PDSS2: variants seen among roughly 807,000 people sequenced by gnomAD.
PDSS2 encodes the protein decaprenyl diphosphate synthase subunit 2.
A neutral mutation model predicts 44.5 loss-of-function variants in PDSS2; 31 were observed. The ratio of observed to expected loss-of-function variants is 0.70; its 90% CI spans 0.52 to 0.94. The LOEUF is 0.94. PDSS2 is among the 40% of genes least tolerant of loss of function. PDSS2 has a pLI of 0.00. For missense variants in PDSS2, 452 were observed against 482.2 expected (o/e 0.94, Z 0.59); for synonymous variants, 157 against 180.3 (o/e 0.87, Z 1.03).
intron 1 of PDSS2, among the ~76,000 whole-genome samples, chr6:107,352,394 A>G (rs1441550487): frequency 1.3e-5 from 2 of 152,250 alleles, no homozygotes; most frequent in Non-Finnish European, 2.9e-5. Context: ...TACTAAACTC[A>G]GTAGAAGATT....
At chr6:107,340,691 C>A (rs1343445993) in intron 1 of PDSS2, among the ~76,000 whole-genome samples, 1 of 152,144 alleles carries the variant, frequency 6.6e-6, no homozygotes, top group African/African-American at 2.4e-5. Context: ...ACAGTAGAGG[C>A]AGCATTCAGA....
At chr6:107,315,909 G>T (rs1777183906) in intron 2 of PDSS2, among the ~76,000 whole-genome samples, 1 of 152,164 alleles carries the variant, frequency 6.6e-6, no homozygotes. Context: ...ATTTACCTCA[G>T]ATTATCACAA....
chr6:107,219,049 ACT>A (rs1248802386), intron 4 of PDSS2, among the ~76,000 whole-genome samples: 5 of 150,278 alleles, frequency 3.3e-5, no homozygotes, highest in African/African-American at 4.9e-5. Context: ...CAAGAGTGAA[ACT>A]CTGTCTCAAA....
At chr6:107,455,783 A>G (rs1054565734) in intron 1 of PDSS2, among the ~76,000 whole-genome samples, 6 of 134,562 alleles carry the variant, frequency 4.5e-5, no homozygotes, top group African/African-American at 1.1e-4. Flanking sequence ...AAAAAAAAAA[A>G]CTTAAGAAAT....
chr6:107,368,261 C>T (rs1779022127), intron 1 of PDSS2, among the ~76,000 whole-genome samples: 1 of 139,636 alleles, frequency 7.2e-6, no homozygotes, highest in East Asian at 2.1e-4. Flanking sequence ...GAGCGAGACT[C>T]GTCTCAAAAA....
chr6:107,252,641 A>C (rs1774861129), intron 3 of PDSS2, among the ~76,000 whole-genome samples: 1 of 152,230 alleles, frequency 6.6e-6, no homozygotes, highest in Non-Finnish European at 1.5e-5. Flanking sequence ...ATAAAATTGC[A>C]ACTGAGGCTA....
intron 1 of PDSS2, among the ~76,000 whole-genome samples, chr6:107,374,373 C>T (rs1779219611): frequency 6.6e-6 from 1 of 152,038 alleles, no homozygotes; most frequent in African/African-American, 2.4e-5. Flanking sequence ...TCATCCAAAC[C>T]GATCAACTGA....
At chr6:107,431,490 C>A (rs987365870) in intron 1 of PDSS2, among the ~76,000 whole-genome samples, 6 of 152,148 alleles carry the variant, frequency 3.9e-5, no homozygotes, top group African/African-American at 1.4e-4. Context: ...CTCATGCGAA[C>A]CTGCTGCTTT....
At position 107,289,328 on chromosome 6, in the gene PDSS2, G is replaced by A. The variant is rs540739527; in HGVS notation, c.432-15101C>T. Among the ~76,000 whole-genome samples the A allele has an allele frequency of 4.4e-3, 661 of 149,414 alleles. 6 individuals are homozygous for A. The highest frequency in any genetic ancestry group is 0.016 in the African/African-American group (635 of 40,722). On this transcript the variant is annotated intron_variant, in intron 2 of 7. Transcript: ENST00000369037. ...GCAGAGGTTGTAGTGAGCCGATATC[G>A]TGCCACTGCACTCCAGCCTGGGTAA... is the stretch of plus-strand genomic sequence containing the variant.
chr6:107,212,092 A>C lies in PDSS2; in HGVS notation c.876+17T>G. Reference sequence around the variant, plus strand: ...GCTATTTAAGTACTGAAAAAAGATAAAGGGTGTGCAAAGTACCTTATGACT... The same window carrying C: ...GCTATTTAAGTACTGAAAAAAGATACAGGGTGTGCAAAGTACCTTATGACT... On this transcript the variant is annotated intron_variant, in intron 5 of 7. Transcript: ENST00000369037. 1 of 1,608,192 alleles carries C rather than the reference A, an allele frequency of 6.2e-7. No homozygotes were observed. Among genetic ancestry groups the C allele is most frequent in the Admixed American group, 1.7e-5 (1 of 60,006 alleles).
At chr6:107,347,276 T>C (rs1374954294) in intron 1 of PDSS2, among the ~76,000 whole-genome samples, 3 of 147,488 alleles carry the variant, frequency 2.0e-5, no homozygotes, top group Non-Finnish European at 4.5e-5. Flanking sequence ...TTTTTTTTTT[T>C]TTTTGAGACG....
At chr6:107,191,209 T>G (rs754577116) in intron 7 of PDSS2, among the ~76,000 whole-genome samples, 1 of 152,162 alleles carries the variant, frequency 6.6e-6, no homozygotes, top group Non-Finnish European at 1.5e-5. Context: ...TGAAGGGTTT[T>G]AAGCTGGAGA....
chr6:107,359,805 G>A (rs1270350127), intron 1 of PDSS2, among the ~76,000 whole-genome samples: 2 of 152,096 alleles, frequency 1.3e-5, no homozygotes, highest in Non-Finnish European at 2.9e-5. Context: ...GAAAAGTCCT[G>A]GAGGCGGGGG....
intron 4 of PDSS2, among the ~76,000 whole-genome samples, chr6:107,223,078 A>G (rs890443729): frequency 2.0e-5 from 3 of 151,296 alleles, no homozygotes; most frequent in Non-Finnish European, 2.9e-5. Context: ...CCTCCTGAGT[A>G]GCTGGGATTA....
At chr6:107,221,770 GAACA>G (rs1397561714) in intron 4 of PDSS2, among the ~76,000 whole-genome samples, 2 of 152,102 alleles carry the variant, frequency 1.3e-5, no homozygotes, top group Non-Finnish European at 2.9e-5. Flanking sequence ...ACTCACATGA[GAACA>G]AACTGCACTT....
chr6:107,191,201 A>C (rs1772368153), intron 7 of PDSS2, among the ~76,000 whole-genome samples: 1 of 152,114 alleles, frequency 6.6e-6, no homozygotes, highest in Non-Finnish European at 1.5e-5. Context: ...TAGAGCAATG[A>C]AGGGTTTTAA....
chr6:107,232,566 T>C (rs1359172456), intron 4 of PDSS2, among the ~76,000 whole-genome samples: 1 of 152,218 alleles, frequency 6.6e-6, no homozygotes. Context: ...TCCTTCACTA[T>C]CATTTCTCCC....
chr6:107,449,744 A>AT (rs1223471701), intron 1 of PDSS2, among the ~76,000 whole-genome samples: 2 of 152,128 alleles, frequency 1.3e-5, no homozygotes, highest in Non-Finnish European at 2.9e-5. Context: ...TAGTTAATTT[A>AT]TTTTTTTATA....
At chr6:107,207,975 C>CTTTTTTTT (rs1271573467) in intron 6 of PDSS2, among the ~76,000 whole-genome samples, 3 of 68,204 alleles carry the variant, frequency 4.4e-5, no homozygotes, top group African/African-American at 2.1e-4. Context: ...CTGTCTATGA[C>CTTTTTTTT]TTGTTTTTTT....
Sources: allele counts gnomAD v4.1 joint callset (sites outside exome capture counted in the v4.1 genomes callset), GRCh38; gene constraint gnomAD v4.1.1; transcripts MANE v1.5; gene names NCBI Gene and HGNC (gene_info 2026-07-23, HGNC 2026-07-21).